CD226: variants seen among roughly 807,000 people sequenced by gnomAD.
The protein encoded by CD226 is CD226 antigen.
A neutral mutation model predicts 34.9 loss-of-function variants in CD226; 24 were observed. That is an observed-to-expected ratio of 0.69 (90% confidence interval 0.50 to 0.97). The LOEUF (loss-of-function observed/expected upper bound fraction) is 0.97, where lower values mean the gene tolerates loss of function less well. Among genes scored for constraint, CD226 ranks in the 50% least tolerant of loss-of-function variants. The pLI, the probability that CD226 is intolerant of heterozygous loss-of-function variation, is 0.00. For synonymous variants in CD226, 148 were observed against 147.4 expected, an observed-to-expected ratio of 1.00 and a Z score of -0.03; for missense variants, 397 against 412.7, an observed-to-expected ratio of 0.96 and a Z score of 0.33.
intron 1 of CD226, among the ~76,000 whole-genome samples, chr18:69,955,676 A>C (rs956598619): frequency 1.3e-5 from 2 of 152,070 alleles, no homozygotes; most frequent in African/African-American, 4.8e-5. Context: ...ATCGTGGCTA[A>C]CACGGTGAAA....
rs866338154 is a variant in CD226 at position 69,895,973 on chromosome 18, CAAGT to C, written c.451_454del (p.Thr151ValfsTer5). 1.9e-6 allele frequency: 3 copies of C among 1,613,932 alleles called. No homozygotes were observed. The highest frequency in any genetic ancestry group is 1.3e-5 in the African/African-American group (1 of 74,926). On this transcript the variant is annotated frameshift_variant, in exon 3 of 6. Coordinates refer to ENST00000582621, the MANE Select transcript of CD226 (RefSeq NM_001303618.2). LOFTEE classifies it high-confidence loss of function. Reference sequence around the variant, plus strand: ...CACAGGCCACGTCATCTGAGGCTGACAAGTGAGTGTGACATTCTTTCCAGGTTCC... The same window carrying C: ...CACAGGCCACGTCATCTGAGGCTGACGAGTGTGACATTCTTTCCAGGTTCC...
intron 2 of CD226, among the ~76,000 whole-genome samples, chr18:69,904,785 G>A (rs2055231132): frequency 6.6e-6 from 1 of 152,118 alleles, no homozygotes; most frequent in Non-Finnish European, 1.5e-5. Context: ...GCATTGGTCT[G>A]TTTCTTCTAC....
At chr18:69,890,759 G>A (rs1315657053) in intron 3 of CD226, among the ~76,000 whole-genome samples, 1 of 152,128 alleles carries the variant, frequency 6.6e-6, no homozygotes, top group Admixed American at 6.5e-5. Context: ...TCTCTACCCT[G>A]TGTAGGACAC....
chr18:69,960,631 G>A (rs954770247), upstream of CD226, among the ~76,000 whole-genome samples: 1 of 152,144 alleles, frequency 6.6e-6, no homozygotes, highest in African/African-American at 2.4e-5. Context: ...TGTAATTTTA[G>A]TAGAAACAGG....
chr18:69,908,863 C>T (rs1201766385), intron 2 of CD226, among the ~76,000 whole-genome samples: 1 of 152,230 alleles, frequency 6.6e-6, no homozygotes, highest in African/African-American at 2.4e-5. Flanking sequence ...CTTGCATCAG[C>T]TATCTCTTCT....
intron 2 of CD226, among the ~76,000 whole-genome samples, chr18:69,925,429 C>T (rs1316559269): frequency 1.3e-5 from 2 of 152,080 alleles, no homozygotes; most frequent in Non-Finnish European, 2.9e-5. Context: ...AGAAAAAACT[C>T]GTTTAGATTT....
chr18:69,882,956 C>T (rs1226322533), intron 3 of CD226, among the ~76,000 whole-genome samples: 2 of 152,200 alleles, frequency 1.3e-5, no homozygotes, highest in African/African-American at 4.8e-5. Flanking sequence ...GCAGGAGCCA[C>T]CACGCCTGGC....
chr18:69,922,048 A>C (rs2055458174), intron 2 of CD226, among the ~76,000 whole-genome samples: 2 of 152,218 alleles, frequency 1.3e-5, no homozygotes, highest in South Asian at 4.1e-4. Context: ...ATAAAGGACT[A>C]GTTACACTTA....
intron 2 of CD226, among the ~76,000 whole-genome samples, chr18:69,896,786 A>G (rs1033022028): frequency 6.6e-6 from 1 of 152,194 alleles, no homozygotes; most frequent in Non-Finnish European, 1.5e-5. Context: ...CAGTTATGAA[A>G]AAGATACCAA....
chr18:69,901,645 C>A (rs370367578), intron 2 of CD226, among the ~76,000 whole-genome samples: 5 of 152,058 alleles, frequency 3.3e-5, no homozygotes, highest in African/African-American at 1.2e-4. Context: ...TTTGGGAGGC[C>A]GAGGCAGGCA....
intron 2 of CD226, among the ~76,000 whole-genome samples, chr18:69,922,061 A>G (rs1367482535): frequency 1.9e-4 from 29 of 152,232 alleles, no homozygotes; most frequent in Admixed American, 1.9e-3. Context: ...TACACTTACT[A>G]AACGGAGCAC....
chr18:69,942,064 G>A (rs2055731770), intron 2 of CD226, among the ~76,000 whole-genome samples: 1 of 152,140 alleles, frequency 6.6e-6, no homozygotes, highest in African/African-American at 2.4e-5. Context: ...TGTGAAGAAG[G>A]ACATGTTTGC....
chr18:69,918,736 G>C (rs2055415841), intron 2 of CD226, among the ~76,000 whole-genome samples: 1 of 152,176 alleles, frequency 6.6e-6, no homozygotes, highest in African/African-American at 2.4e-5. Context: ...GAGCCAGATA[G>C]AGAGCAATGT....
chr18:69,877,760 T>A (rs1485194843), intron 3 of CD226, among the ~76,000 whole-genome samples: 4 of 152,182 alleles, frequency 2.6e-5, no homozygotes. Flanking sequence ...AATACCACAA[T>A]ACCTGATTTA....
intron 2 of CD226, among the ~76,000 whole-genome samples, chr18:69,907,797 T>C (rs1373274237): frequency 1.3e-5 from 2 of 152,142 alleles, no homozygotes; most frequent in Non-Finnish European, 2.9e-5. Flanking sequence ...CACAGCTTGA[T>C]GCATATAAAT....
At chr18:69,872,054 A>AC (rs1983555804) in intron 4 of CD226, among the ~76,000 whole-genome samples, 1 of 55,050 alleles carries the variant, frequency 1.8e-5, no homozygotes, top group Non-Finnish European at 3.6e-5. Context: ...CCTATTAACA[A>AC]GGGGTGTGTG....
intron 3 of CD226, among the ~76,000 whole-genome samples, chr18:69,873,867 T>C (rs967244474): frequency 6.6e-6 from 1 of 152,298 alleles, no homozygotes; most frequent in African/African-American, 2.4e-5. Flanking sequence ...AGAGACTCTA[T>C]GTAAAAATAA....
intron 2 of CD226, among the ~76,000 whole-genome samples, chr18:69,935,863 C>A (rs2055646956): frequency 6.6e-6 from 1 of 152,182 alleles, no homozygotes; most frequent in African/African-American, 2.4e-5. Context: ...AAGAAGGGTA[C>A]AGTTTCAAGT....
chr18:69,863,377 ACTAT>A lies in CD226; in HGVS notation c.*933_*936del, dbSNP rs1283232569. 1 of 152,200 alleles carries A rather than the reference ACTAT, an allele frequency of 6.6e-6. No homozygotes were observed. Among genetic ancestry groups the A allele is most frequent in the Non-Finnish European group, 1.5e-5 (1 of 68,040 alleles). The allele number at this position is 152,200 out of a possible 1,614,324, so 9.4% of individuals were successfully genotyped here. A position where few individuals can be genotyped will look rare whatever the true frequency, so the allele number is the denominator to read the frequency against. On this transcript the variant is annotated 3_prime_UTR_variant, in exon 6 of 6. Coordinates refer to ENST00000582621, the MANE Select transcript of CD226 (RefSeq NM_001303618.2). ...AAAACATTAAGTTATTTATTATTCG[ACTAT>A]CTACTACATTTGCTCCTAAGGCTAG...
Sources: allele counts gnomAD v4.1 joint callset (sites outside exome capture counted in the v4.1 genomes callset), GRCh38; gene constraint gnomAD v4.1.1; transcripts MANE v1.5; gene names NCBI Gene and HGNC (gene_info 2026-07-23, HGNC 2026-07-21).